Variants in PRC1 observed in about 807,000 individuals in gnomAD.
PRC1 encodes the protein anaphase spindle elongation 1 homolog.
A neutral mutation model predicts 91.2 loss-of-function variants in PRC1; 54 were observed. The ratio of observed to expected loss-of-function variants is 0.59; its 90% CI spans 0.48 to 0.74. The LOEUF (loss-of-function observed/expected upper bound fraction) is 0.74, where lower values mean the gene tolerates loss of function less well. PRC1 is among the 30% of genes least tolerant of loss of function. The pLI, the probability that PRC1 is intolerant of heterozygous loss-of-function variation, is 0.00. For missense variants in PRC1, 727 were observed against 746.2 expected (o/e 0.97, Z 0.30); for synonymous variants, 275 against 263.6 (o/e 1.04, Z -0.42).
intron 1 of PRC1, among the ~76,000 whole-genome samples, chr15:90,989,066 C>A (rs1210077722): frequency 1.3e-5 from 2 of 152,086 alleles, no homozygotes; most frequent in Non-Finnish European, 2.9e-5. Flanking sequence ...TGAAAAGATG[C>A]TCAATATTAG....
At chr15:90,968,992 G>T (rs1201361094) in intron 14 of PRC1, 87 bp downstream of exon 14, 1 of 1,600,878 alleles carries the variant, frequency 6.2e-7, no homozygotes, top group East Asian at 2.2e-5. Context: ...GAGATTATTA[G>T]TTAGTGTAGC....
rs748308546 is a variant in PRC1 at position 90,980,344 on chromosome 15, T to C, written c.868A>G (p.Met290Val). The C allele has an allele frequency of 1.2e-6, 2 of 1,614,168 alleles. No individual in the cohort carries two copies. Among genetic ancestry groups the C allele is most frequent in the Non-Finnish European group, 1.7e-6 (2 of 1,180,040 alleles). The change falls in exon 7 of 15, where the codon ATG becomes GTG. Residue 290 changes from methionine (M) to valine (V), a missense_variant. Physicochemically the swap from Met to Val is conservative, Grantham distance 21. Transcript: ENST00000394249. Reference protein sequence around the residue: ...DRLEELKMQNMKKVIEAIRVE... With the variant: ...DRLEELKMQNVKKVIEAIRVE... ...CGAATTGCCTCAATCACTTTCTTCA[T>C]GTTTTGCATTTTCAGTTCTTCCAAC... is the stretch of plus-strand genomic sequence containing the variant.
chr15:90,981,456 A>G lies in PRC1; in HGVS notation c.672+43T>C, dbSNP rs769547894. 1.5e-5 allele frequency: 24 copies of G among 1,605,760 alleles called. No individual in the cohort carries two copies. In the Admixed American group the frequency reaches 3.2e-4, roughly 21 times the overall value. On this transcript the variant is annotated intron_variant, in intron 5 of 14. Coordinates refer to ENST00000394249, the MANE Select transcript of PRC1 (RefSeq NM_003981.4). ...AGCTGTCAGTTTTGTTCAAACTGCT[A>G]TATACTACGGAGATCCTAGGGCATA...
At position 90,967,869 on chromosome 15, in the gene PRC1, G is replaced by A. The variant is rs577305275; in HGVS notation, c.1792-667C>T. 12 of 985,468 alleles carry A rather than the reference G, an allele frequency of 1.2e-5. No individual in the cohort carries two copies. In the African/African-American group the frequency reaches 1.9e-4, roughly 16 times the overall value. The allele number at this position is 985,468 out of a possible 1,614,324, so 61.0% of individuals were successfully genotyped here. ...CACAGAGCTACTTTAGAGTTGTCAAGGTAAGTAGGCAACAAGCTTTGGTCT... is the reference window on the plus strand; with the variant it reads ...CACAGAGCTACTTTAGAGTTGTCAAAGTAAGTAGGCAACAAGCTTTGGTCT... On this transcript the variant is annotated intron_variant, in intron 14 of 14. Coordinates refer to ENST00000394249, the MANE Select transcript of PRC1 (RefSeq NM_003981.4).
At chr15:90,970,545 T>C in intron 11 of PRC1, 31 bp from the exon 12 acceptor site, 1 of 1,446,854 alleles carries the variant, frequency 6.9e-7, no homozygotes, top group Non-Finnish European at 9.7e-7. Context: ...GTAACTGATG[T>C]GCAGTAACAT....
At chr15:90,981,691 AG>A in intron 4 of PRC1, 22 bp from the exon 5 acceptor site, 1 of 1,610,782 alleles carries the variant, frequency 6.2e-7, no homozygotes, top group South Asian at 1.1e-5. Flanking sequence ...AGCAATTACA[AG>A]ATACCTAGAG....
chr15:90,994,374 C>T (rs777576117), intron 1 of PRC1, 33 bp downstream of exon 1: 1 of 1,612,330 alleles, frequency 6.2e-7, no homozygotes, highest in South Asian at 1.1e-5. Context: ...GTCGCTCCCT[C>T]CCGCGTCCCC....
chr15:90,989,035 T>C (rs1312865838), intron 1 of PRC1, among the ~76,000 whole-genome samples: 1 of 152,086 alleles, frequency 6.6e-6, no homozygotes, highest in Non-Finnish European at 1.5e-5. Flanking sequence ...AAAGAAGATA[T>C]AAAAATGGCC....
intron 1 of PRC1, among the ~76,000 whole-genome samples, chr15:90,990,260 C>T (rs1432291369): frequency 1.1e-4 from 17 of 151,528 alleles, no homozygotes; most frequent in Admixed American, 9.9e-4. Flanking sequence ...TGCTTGAATC[C>T]GGGAGGTGGA....
At chr15:90,989,730 A>G (rs1408872623) in intron 1 of PRC1, among the ~76,000 whole-genome samples, 1 of 152,224 alleles carries the variant, frequency 6.6e-6, no homozygotes, top group East Asian at 1.9e-4. Context: ...AAAATGTAGT[A>G]TATAGGCATA....
intron 9 of PRC1, among the ~76,000 whole-genome samples, chr15:90,975,485 G>A (rs1383310195): frequency 6.6e-6 from 1 of 152,180 alleles, no homozygotes; most frequent in East Asian, 1.9e-4. Flanking sequence ...CACTAAATGA[G>A]AGCGTTTTGA....
In PRC1 at chr15:90,967,139, G is replaced by A. The variant is rs1470320752; in HGVS notation, c.1855C>T (p.Gln619Ter). Residue 619 changes from glutamine to a stop codon, truncating the protein, a stop_gained, in exon 15 of 15, where the codon CAG becomes TAG. Transcript: ENST00000394249. LOFTEE classifies it high-confidence loss of function. ...TSGILNSTNIQS is the reference protein window; with the variant it reads ...TSGILNSTNI ...TGACTGATCAGGGCTTCTCAGGACT[G>A]GATGTTGGTTGAATTGAGGATTCCA... 3.7e-6 allele frequency: 6 copies of A among 1,613,568 alleles called. No individual in the cohort carries two copies. The East Asian group carries it at 8.9e-5, about 24-fold the overall frequency.
intron 3 of PRC1, among the ~76,000 whole-genome samples, chr15:90,983,387 A>AT (rs779522435): frequency 1.3e-5 from 2 of 152,112 alleles, no homozygotes; most frequent in Non-Finnish European, 2.9e-5. Flanking sequence ...CTAAGCAGAG[A>AT]TTTTCAGGAC....
intron 14 of PRC1, 91 bp from the exon 15 acceptor site, chr15:90,967,293 C>T (rs1003170792): frequency 1.9e-6 from 2 of 1,073,976 alleles, no homozygotes; most frequent in Non-Finnish European, 2.9e-6. Flanking sequence ...GCAAAAGGTC[C>T]CTTGAAGGTA....
At chr15:90,973,677 C>T (rs906049684) in intron 11 of PRC1, among the ~76,000 whole-genome samples, 17 of 152,272 alleles carry the variant, frequency 1.1e-4, no homozygotes, top group Non-Finnish European at 2.4e-4. Context: ...GCGAGATACG[C>T]TGGCGGCAAT....
At chr15:90,988,549 T>TC (rs1266959086) in intron 1 of PRC1, 3 of 152,156 alleles carry the variant, frequency 2.0e-5, no homozygotes, top group African/African-American at 7.2e-5. Context: ...CACTTGACAC[T>TC]CCCCAGGTCT....
At chr15:90,977,001 G>A (rs1409387171) in intron 8 of PRC1, among the ~76,000 whole-genome samples, 2 of 151,912 alleles carry the variant, frequency 1.3e-5, no homozygotes, top group Admixed American at 1.3e-4. Flanking sequence ...ATGACGGTGC[G>A]CACGTGCAGT....
chr15:90,980,187 C>G (rs2039066921), intron 7 of PRC1, 55 bp downstream of exon 7: 1 of 1,485,628 alleles, frequency 6.7e-7, no homozygotes, highest in South Asian at 1.4e-5. Flanking sequence ...GGCTGGGCAA[C>G]AGAGTAAGAC....
At chr15:90,977,062 G>A (rs541924854) in intron 8 of PRC1, 3 of 174,798 alleles carry the variant, frequency 1.7e-5, no homozygotes, top group Admixed American at 6.9e-5. Context: ...CCTGGGTGGC[G>A]TGCAGTGAGC....
Sources: gnomAD v4.1 joint callset for allele counts (sites outside exome capture counted in the v4.1 genomes callset) on GRCh38, gnomAD v4.1.1 for gene constraint, MANE v1.5 for transcripts, NCBI Gene and HGNC (gene_info 2026-07-23, HGNC 2026-07-21) for gene names.